Variants in PIK3C2G observed in about 807,000 individuals in gnomAD.
PIK3C2G encodes phosphatidylinositol 3-kinase C2 domain-containing subunit gamma.
In PIK3C2G, 168 loss-of-function variants were observed where a neutral mutation model predicts 181.1. The observed-to-expected ratio is 0.93, with a 90% CI of 0.82 to 1.05. PIK3C2G has a LOEUF of 1.05. PIK3C2G is among the 50% of genes least tolerant of loss of function. PIK3C2G has a pLI of 0.00. For synonymous variants in PIK3C2G, 573 were observed against 592.2 expected, an observed-to-expected ratio of 0.97 and a Z score of 0.47; for missense variants, 1,869 against 1,732.8, an observed-to-expected ratio of 1.08 and a Z score of -1.40.
chr12:18,507,345 A>G (rs1941901066), intron 24 of PIK3C2G, among the ~76,000 whole-genome samples: 1 of 152,150 alleles, frequency 6.6e-6, no homozygotes. Flanking sequence ...CGCTTCTTAA[A>G]TGTCCACTGG....
At position 18,530,334 on chromosome 12, in the gene PIK3C2G, A is replaced by G. The variant is rs769678473; in HGVS notation, c.3324-7822A>G. ...ATTCTCCTCCTACCTTCTGATGAAC[A>G]TTGTACTATCAATAATTCATTTTTC... On this transcript the variant is annotated intron_variant, in intron 24 of 32. Coordinates refer to ENST00000538779, the MANE Select transcript of PIK3C2G (RefSeq NM_001288772.2). 2.4e-4 allele frequency among the ~76,000 whole-genome samples: 37 copies of G among 152,244 alleles called. 1 individual carries two copies. The highest frequency in any genetic ancestry group is 6.8e-3 in the Middle Eastern group (2 of 294).
chr12:18,368,238 C>T (rs958716979), intron 12 of PIK3C2G, among the ~76,000 whole-genome samples: 1 of 152,092 alleles, frequency 6.6e-6, no homozygotes, highest in Non-Finnish European at 1.5e-5. Context: ...ATTAAATGCA[C>T]AATGGCTGAT....
chr12:18,418,608 T>C (rs1351341370), intron 16 of PIK3C2G, among the ~76,000 whole-genome samples: 8 of 152,160 alleles, frequency 5.3e-5, no homozygotes, highest in African/African-American at 1.7e-4. Context: ...GAGGTAATTA[T>C]GGCCTAGAGT....
chr12:18,559,281 T>C lies in PIK3C2G; in HGVS notation c.3591-3422T>C, dbSNP rs139921786. Among the ~76,000 whole-genome samples, 16 of 152,240 alleles carry C rather than the reference T, an allele frequency of 1.1e-4. No individual in the cohort carries two copies. The East Asian group carries it at 2.9e-3, about 28-fold the overall frequency. On this transcript the variant is annotated intron_variant, in intron 26 of 32. Transcript: ENST00000538779. ...AACCAGGATAGCAAAATCCAAAAGCTTGGACAACATTTATGACAAAACTAG... is the reference window on the plus strand; with the variant it reads ...AACCAGGATAGCAAAATCCAAAAGCCTGGACAACATTTATGACAAAACTAG...
intron 15 of PIK3C2G, among the ~76,000 whole-genome samples, chr12:18,398,413 C>T (rs1182468184): frequency 6.6e-6 from 1 of 152,144 alleles, no homozygotes; most frequent in Non-Finnish European, 1.5e-5. Context: ...TCAAAATCAC[C>T]TATAATCCAG....
intron 30 of PIK3C2G, among the ~76,000 whole-genome samples, chr12:18,602,261 TC>T (rs528263242): frequency 5.9e-5 from 9 of 151,758 alleles, no homozygotes; most frequent in African/African-American, 2.2e-4. Flanking sequence ...CTGCCAGCTT[TC>T]CCCCACTTCC....
the PIK3C2G span, among the ~76,000 whole-genome samples, chr12:18,715,458 G>C: frequency 4.6e-5 from 7 of 151,394 alleles, no homozygotes; most frequent in African/African-American, 1.7e-4. Context: ...CTGGGGTGCA[G>C]TGGCGCGATC....
At chr12:18,302,480 T>C (rs534732530) in intron 5 of PIK3C2G, among the ~76,000 whole-genome samples, 1 of 152,226 alleles carries the variant, frequency 6.6e-6, no homozygotes, top group African/African-American at 2.4e-5. Context: ...TAGAATGTTA[T>C]GGGTGGGCAG....
At chr12:18,627,828 A>C (rs1433638976) in intron 31 of PIK3C2G, among the ~76,000 whole-genome samples, 1 of 152,210 alleles carries the variant, frequency 6.6e-6, no homozygotes, top group African/African-American at 2.4e-5. Context: ...TGATAGTTCC[A>C]TCATATTTTA....
At chr12:18,266,062 A>T (rs1948485355) in intron 1 of PIK3C2G, among the ~76,000 whole-genome samples, 1 of 146,662 alleles carries the variant, frequency 6.8e-6, no homozygotes, top group Admixed American at 6.9e-5. Flanking sequence ...TAGAAAATTT[A>T]TATTTGCATA....
the PIK3C2G span, among the ~76,000 whole-genome samples, chr12:18,685,975 C>A: frequency 6.6e-6 from 1 of 151,786 alleles, no homozygotes; most frequent in African/African-American, 2.4e-5. Context: ...AAATAGTTAT[C>A]CTAGACATGA....
At chr12:18,666,491 T>C in the PIK3C2G span, among the ~76,000 whole-genome samples, 6 of 152,270 alleles carry the variant, frequency 3.9e-5, no homozygotes, top group East Asian at 9.6e-4. Flanking sequence ...AAGGACATTA[T>C]ATAATATAAA....
In PIK3C2G at chr12:18,491,479, T is replaced by G. The variant is rs387907449; in HGVS notation, c.2714T>G (p.Leu905Arg). 127 of 1,604,480 alleles carry G rather than the reference T, an allele frequency of 7.9e-5. No individual in the cohort carries two copies. Among genetic ancestry groups the G allele is most frequent in the Middle Eastern group, 1.7e-4 (1 of 6,056 alleles). Reference protein sequence around the residue: ...QEVLKKEIGRLEEFFQDVNTC... With the variant: ...QEVLKKEIGRREEFFQDVNTC... ...GTACTGAAGAAAGAAATTGGCAGAC[T>G]AGAAGAGTTCTTTCAAGATGTAAAT... Residue 905 changes from leucine (L) to arginine (R), a missense_variant, in exon 20 of 33, where the codon CTA becomes CGA. Leu to Arg is a moderately radical substitution (Grantham distance 102). Transcript: ENST00000538779.
At chr12:18,338,260 C>T (rs946893457) in intron 8 of PIK3C2G, among the ~76,000 whole-genome samples, 166 bp from the exon 9 acceptor site, 1 of 152,036 alleles carries the variant, frequency 6.6e-6, no homozygotes, top group African/African-American at 2.4e-5. Flanking sequence ...AATTAAAGCC[C>T]CAGTCACAGG....
chr12:18,603,069 C>A (rs992298925), intron 30 of PIK3C2G, among the ~76,000 whole-genome samples: 8 of 152,166 alleles, frequency 5.3e-5, no homozygotes, highest in African/African-American at 7.2e-5. Context: ...AGTTATTAAG[C>A]TAATCAGGGA....
intron 16 of PIK3C2G, among the ~76,000 whole-genome samples, chr12:18,412,207 C>G (rs1057349818): frequency 6.6e-6 from 1 of 152,116 alleles, no homozygotes; most frequent in African/African-American, 2.4e-5. Context: ...AGAGAAAACA[C>G]AGGCTGAGAA....
chr12:18,612,935 C>G (rs1003175469), intron 31 of PIK3C2G, among the ~76,000 whole-genome samples: 1 of 152,052 alleles, frequency 6.6e-6, no homozygotes, highest in African/African-American at 2.4e-5. Context: ...CCTTTCAAAG[C>G]ATCACAATAT....
chr12:18,583,208 C>T (rs1218678594), intron 29 of PIK3C2G, among the ~76,000 whole-genome samples: 1 of 152,208 alleles, frequency 6.6e-6, no homozygotes, highest in African/African-American at 2.4e-5. Flanking sequence ...TGGATAGAGA[C>T]AGAGCTCCCA....
chr12:18,613,977 T>A (rs986927117), intron 31 of PIK3C2G, among the ~76,000 whole-genome samples: 1 of 152,122 alleles, frequency 6.6e-6, no homozygotes, highest in Non-Finnish European at 1.5e-5. Context: ...AACAACATGT[T>A]CTGCATATCT....
Sources: gnomAD v4.1 joint callset for allele counts (sites outside exome capture counted in the v4.1 genomes callset) on GRCh38, gnomAD v4.1.1 for gene constraint, MANE v1.5 for transcripts, NCBI Gene and HGNC (gene_info 2026-07-23, HGNC 2026-07-21) for gene names.